Variants in EPRS1 observed in about 807,000 individuals in gnomAD.
EPRS1 encodes the protein bifunctional glutamate/proline--tRNA ligase.
A neutral mutation model predicts 188.3 loss-of-function variants in EPRS1; 107 were observed. The ratio of observed to expected loss-of-function variants is 0.57; its 90% confidence interval spans 0.49 to 0.67. The LOEUF (loss-of-function observed/expected upper bound fraction) is 0.67. Among genes scored for constraint, EPRS1 ranks in the 30% least tolerant of loss-of-function variants. EPRS1 has a pLI of 0.00. For missense variants in EPRS1, 1,577 were observed against 1,802.2 expected (o/e 0.88, Z 2.26); for synonymous variants, 596 against 593.1 (o/e 1.00, Z -0.07).
intron 28 of EPRS1, 117 bp from the exon 29 acceptor site, chr1:219,973,515 G>T: frequency 7.4e-6 from 3 of 403,012 alleles, no homozygotes; most frequent in Non-Finnish European, 7.4e-6. Context: ...CAAAGGCAAA[G>T]CCAAAAAAAA....
intron 13 of EPRS1, among the ~76,000 whole-genome samples, chr1:220,009,365 C>A (rs374666707): frequency 3.9e-5 from 6 of 152,088 alleles, no homozygotes; most frequent in African/African-American, 1.4e-4. Flanking sequence ...CTAGTATATG[C>A]GTTAGTCTGT....
chr1:220,042,636 T>C (rs1334851774), intron 1 of EPRS1, among the ~76,000 whole-genome samples: 2 of 150,902 alleles, frequency 1.3e-5, no homozygotes, highest in Admixed American at 6.6e-5. Flanking sequence ...AAAAATGAAC[T>C]ACTGGCCGGG....
At chr1:219,994,716 T>C (rs1372672096) in intron 18 of EPRS1, among the ~76,000 whole-genome samples, 2 of 143,448 alleles carry the variant, frequency 1.4e-5, no homozygotes, top group Non-Finnish European at 3.0e-5. Flanking sequence ...AGTGGCACAA[T>C]ATCTCAGCTC....
In EPRS1 at chr1:219,981,361, AG is replaced by A; in HGVS notation, c.3453+16del. On this transcript the variant is annotated intron_variant, in intron 24 of 31. Transcript: ENST00000366923. Reference sequence around the variant, plus strand: ...AACATGAATAATAATAGAATACAAGAGGGGGTGAATACCTACCACCACATTG... The same window carrying A: ...AACATGAATAATAATAGAATACAAGAGGGGTGAATACCTACCACCACATTG... 1 of 1,505,888 alleles carries A rather than the reference AG, an allele frequency of 6.6e-7. No homozygotes were observed. The highest frequency in any genetic ancestry group is 9.1e-7 in the Non-Finnish European group (1 of 1,099,064). The allele number at this position is 1,505,888 out of a possible 1,614,324, so 93.3% of individuals were successfully genotyped here.
intron 12 of EPRS1, among the ~76,000 whole-genome samples, chr1:220,016,978 G>A (rs911260849): frequency 1.1e-4 from 16 of 152,112 alleles, no homozygotes; most frequent in Admixed American, 6.5e-5. Flanking sequence ...ACTTTGGGAG[G>A]CAGAGGTGGG....
At chr1:219,999,132 A>G (rs981160232) in intron 17 of EPRS1, among the ~76,000 whole-genome samples, 2 of 152,118 alleles carry the variant, frequency 1.3e-5, no homozygotes, top group Admixed American at 6.5e-5. Flanking sequence ...ATTTTTTACC[A>G]TAACATTAAG....
chr1:220,010,272 T>G (rs1049659359), intron 13 of EPRS1, among the ~76,000 whole-genome samples: 29 of 152,156 alleles, frequency 1.9e-4, no homozygotes, highest in African/African-American at 6.5e-4. Flanking sequence ...TAATAGAGAA[T>G]GCACTTCAGA....
rs1194115382 is a variant in EPRS1, at chr1:220,020,176, G to A, written c.1161C>T (p.Ile387=). ...TTCTCAGGGCATGTGTAACACCTTC[G>A]ATGCTGTCAACTATGGGGCAGGCAA... ...YDFACPIVDS[I]EGVTHALRTT... Residue 387 remains isoleucine, a synonymous_variant, in exon 10 of 32, where the codon ATC becomes ATT. Transcript: ENST00000366923. The A allele has an allele frequency of 4.3e-6, 7 of 1,613,742 alleles. No individual in the cohort carries two copies. In the South Asian group the frequency reaches 4.4e-5, roughly 10 times the overall value.
At chr1:220,028,869 A>G (rs1662035226) in intron 6 of EPRS1, among the ~76,000 whole-genome samples, 1 of 152,164 alleles carries the variant, frequency 6.6e-6, no homozygotes, top group Non-Finnish European at 1.5e-5. Flanking sequence ...CTTTAACAGT[A>G]CAAGAAGAGA....
chr1:220,003,458 T>C (rs1477213209), intron 16 of EPRS1, among the ~76,000 whole-genome samples: 1 of 152,228 alleles, frequency 6.6e-6, no homozygotes, highest in Non-Finnish European at 1.5e-5. Flanking sequence ...ATTTAGGTGT[T>C]ATATCCAAAA....
chr1:220,046,421 G>T lies in EPRS1; in HGVS notation c.-33C>A, dbSNP rs376735829. On this transcript the variant is annotated 5_prime_UTR_variant, in exon 1 of 32. Coordinates refer to ENST00000366923, the MANE Select transcript of EPRS1 (RefSeq NM_004446.3). ...AGTCCGCTGGTCCACCTGTCAGTAC[G>T]CCTGGCTCGTGCCAGAACTACGGAG... is the stretch of plus-strand genomic sequence containing the variant. 318 of 1,613,254 alleles carry T rather than the reference G, an allele frequency of 2.0e-4. No homozygotes were observed. The highest frequency in any genetic ancestry group is 2.6e-4 in the Non-Finnish European group (309 of 1,179,832).
At position 219,997,291 on chromosome 1, in the gene EPRS1, T is replaced by C. The variant is rs375294347; in HGVS notation, c.2233A>G (p.Thr745Ala). The change falls in exon 18 of 32, where the codon ACT becomes GCT. Residue 745 changes from threonine (T) to alanine (A), a missense_variant. Transcript: ENST00000366923. ...RPTPSLNNNC[T>A]TSEDSLVLYN... ...AGGACCAAGGAATCCTCAGATGTAG[T>C]ACAATTATTATTCAGAGAAGGTGTT... 5.8e-5 allele frequency: 94 copies of C among 1,612,692 alleles called. No individual in the cohort carries two copies. Among genetic ancestry groups the C allele is most frequent in the Non-Finnish European group, 7.7e-5 (91 of 1,179,278 alleles).
At chr1:220,021,533 T>C (rs1661878477) in intron 9 of EPRS1, among the ~76,000 whole-genome samples, 2 of 152,184 alleles carry the variant, frequency 1.3e-5, no homozygotes. Flanking sequence ...ACAACTTGAT[T>C]AAGATGCTAC....
intron 18 of EPRS1, among the ~76,000 whole-genome samples, chr1:219,991,548 A>C (rs759915998): frequency 4.6e-5 from 7 of 152,114 alleles, no homozygotes; most frequent in Non-Finnish European, 7.4e-5. Context: ...CTTGTATTAT[A>C]TTTTTTAAAG....
chr1:220,040,147 C>T (rs1356189451), intron 2 of EPRS1, 38 bp downstream of exon 2: 2 of 1,332,040 alleles, frequency 1.5e-6, no homozygotes, highest in South Asian at 1.3e-5. Context: ...AAAGAAAAAG[C>T]CAATCAGTAC....
In EPRS1 at chr1:220,032,417, C is replaced by T; in HGVS notation, c.498G>A (p.Lys166=). 2 of 1,613,152 alleles carry T rather than the reference C, an allele frequency of 1.2e-6. No individual in the cohort carries two copies. The highest frequency in any genetic ancestry group is 1.7e-6 in the Non-Finnish European group (2 of 1,179,718). The change falls in exon 5 of 32, where the codon AAG becomes AAA. Residue 166 remains lysine (K), a synonymous_variant. Transcript: ENST00000366923. ...GAGCTTTGGTTGTTGAAACATCCCA[C>T]TTGGTACCTACTGACTGGAAGGCCT... ...AQQAFQSVGT[K]WDVSTTKARV...
chr1:219,997,902 G>A (rs1231392196), intron 17 of EPRS1, among the ~76,000 whole-genome samples: 1 of 152,106 alleles, frequency 6.6e-6, no homozygotes, highest in African/African-American at 2.4e-5. Flanking sequence ...ATCAAACTCT[G>A]TGATATAATT....
In EPRS1 at chr1:219,969,135, A is replaced by C. The variant is rs1660619789; in HGVS notation, c.4324-13T>G. Reference sequence around the variant, plus strand: ...GAATCTGAACAATCTAATTAAGAAAAGGAAAAGTAATCAGTATTTATAACT... The same window carrying C: ...GAATCTGAACAATCTAATTAAGAAACGGAAAAGTAATCAGTATTTATAACT... On this transcript the variant is annotated splice_polypyrimidine_tract_variant and intron_variant, in intron 30 of 31. Coordinates refer to ENST00000366923, the MANE Select transcript of EPRS1 (RefSeq NM_004446.3). The C allele has an allele frequency of 6.4e-7, 1 of 1,558,674 alleles. No individual in the cohort carries two copies.
chr1:219,983,550 C>G (rs1660940389), intron 21 of EPRS1, 152 bp from the exon 22 acceptor site: 5 of 605,908 alleles, frequency 8.3e-6, no homozygotes, highest in Non-Finnish European at 1.4e-5. Context: ...GTAAAACAGA[C>G]CTGACTATAC....
Sources: gnomAD v4.1 joint callset for allele counts (sites outside exome capture counted in the v4.1 genomes callset) on GRCh38, gnomAD v4.1.1 for gene constraint, MANE v1.5 for transcripts, NCBI Gene and HGNC (gene_info 2026-07-23, HGNC 2026-07-21) for gene names.